CACNA1F: variants seen among roughly 807,000 people sequenced by gnomAD.
CACNA1F encodes the protein calcium voltage-gated channel subunit alpha1 F, also known as voltage-dependent L-type calcium channel subunit alpha-1F.
Under a neutral mutation model 143.8 loss-of-function variants are expected in CACNA1F, and 59 were observed. That is an observed-to-expected ratio of 0.41 (90% CI 0.33 to 0.51). The LOEUF is 0.51. Among genes scored for constraint, CACNA1F ranks in the 20% least tolerant of loss-of-function variants. The pLI is 0.22. For synonymous variants in CACNA1F, 643 were observed against 649.1 expected (o/e 0.99, Z 0.14); for missense variants, 1,411 against 1,647.5 (o/e 0.86, Z 2.48).
chrX:49,224,591 T>A (rs1244698647), intron 14 of CACNA1F, among the ~76,000 whole-genome samples, 170 bp downstream of exon 14: 1 of 111,615 alleles, frequency 9.0e-6, no homozygotes, highest in Admixed American at 9.5e-5. Flanking sequence ...TTGTGTCTGC[T>A]TTGATTCCTG....
chrX:49,218,495 A>G lies in CACNA1F; in HGVS notation c.2888T>C (p.Leu963Pro). The G allele has an allele frequency of 8.4e-7, 1 of 1,183,860 alleles. No homozygotes were observed. The highest frequency in any genetic ancestry group is 1.1e-6 in the Non-Finnish European group (1 of 882,142). The change falls in exon 24 of 48, where the codon CTG becomes CCG. Residue 963 changes from leucine (L) to proline (P), a missense_variant. Leu to Pro is a moderately conservative substitution (Grantham distance 98). Coordinates refer to ENST00000323022, the MANE Select transcript of CACNA1F (RefSeq NM_001256789.3). The stretch of plus-strand genomic sequence containing the variant: ...CCTGTTGATGGCTCGGAGGGGCCGC[A>G]GTACTCGGAGTACTCGCAGAATCTT... ...VVKILRVLRV[L>P]RPLRAINRAK...
At chrX:49,217,024 T>A (rs1282349889) in intron 26 of CACNA1F, among the ~76,000 whole-genome samples, 4 of 111,718 alleles carry the variant, frequency 3.6e-5, no homozygotes, top group Non-Finnish European at 7.5e-5. Context: ...AGTGGCATGA[T>A]CTTGGCTCAC....
intron 11 of CACNA1F, 62 bp from the exon 12 acceptor site, chrX:49,226,305 G>C: frequency 8.9e-7 from 1 of 1,122,170 alleles, no homozygotes; most frequent in Non-Finnish European, 1.2e-6. Flanking sequence ...TCAGTGACTG[G>C]GGCCAGAGGT....
chrX:49,224,119 T>C (rs1194549530), intron 14 of CACNA1F, among the ~76,000 whole-genome samples: 1 of 110,046 alleles, frequency 9.1e-6, no homozygotes, highest in Non-Finnish European at 1.9e-5. Context: ...GGTTGTGATG[T>C]ATTTGGGGTT....
chrX:49,210,633 G>T lies in CACNA1F; in HGVS notation c.4442C>A (p.Pro1481His). 1 of 1,211,314 alleles carries T rather than the reference G, an allele frequency of 8.3e-7. No homozygotes were observed. Among genetic ancestry groups the T allele is most frequent in the Non-Finnish European group, 1.1e-6 (1 of 895,238 alleles). The change falls in exon 38 of 48, where the codon CCT becomes CAT. Residue 1481 changes from proline to histidine, a missense_variant. By Grantham distance (77) the Pro-to-His change is moderately conservative. Coordinates refer to ENST00000323022, the MANE Select transcript of CACNA1F (RefSeq NM_001256789.3). ...VVALLRRIQP[P>H]LGFGKLCPHR... is the part of the protein sequence containing the mutation. ...TGGGCACAGCTTCCCAAATCCCAGA[G>T]GGGGCTGGATACGTCTCAGCAGGGC...
rs944829739 is a variant in CACNA1F at position 49,226,834 on chromosome X, G to A, written c.1277-132C>T. 5.9e-6 allele frequency: 6 copies of A among 1,014,640 alleles called. No individual in the cohort carries two copies. The East Asian group carries it at 1.6e-4, about 27-fold the overall frequency. The allele number at this position is 1,014,640 out of a possible 1,213,427, so 83.6% of individuals were successfully genotyped here. On this transcript the variant is annotated intron_variant, in intron 9 of 47. Coordinates refer to ENST00000323022, the MANE Select transcript of CACNA1F (RefSeq NM_001256789.3). ...GATTCTGCATTTTGAGCCATAACTT[G>A]GGGGCTGGGGCTAGAGTTGTTGCAG...
At chrX:49,219,910 G>A in intron 19 of CACNA1F, 120 bp from the exon 20 acceptor site, 1 of 522,638 alleles carries the variant, frequency 1.9e-6, no homozygotes, top group Non-Finnish European at 3.4e-6. Flanking sequence ...GCTCCTCCAG[G>A]AAGGTATTTT....
chrX:49,219,309 C>A lies in CACNA1F; in HGVS notation c.2673+12G>T. 8.3e-7 allele frequency: 1 copy of A among 1,207,168 alleles called. No individual in the cohort carries two copies. Among genetic ancestry groups the A allele is most frequent in the Non-Finnish European group, 1.1e-6 (1 of 893,625 alleles). On this transcript the variant is annotated intron_variant, in intron 21 of 47. Transcript: ENST00000323022. ...TGTCCCCTCAGCTCCTAGCTCCCAG[C>A]CAAAGGCTCACATGGTTGCGGAAGG...
chrX:49,222,899 C>G, intron 15 of CACNA1F, 30 bp downstream of exon 15: 1 of 1,200,093 alleles, frequency 8.3e-7, no homozygotes. Context: ...GTCTCCCCGA[C>G]CCACCCATCC....
At chrX:49,222,289 G>A in intron 17 of CACNA1F, 1 of 412,939 alleles carries the variant, frequency 2.4e-6, no homozygotes, top group East Asian at 3.8e-5. Context: ...TTCCATGAAG[G>A]CAAGGACTCT....
At chrX:49,225,865 G>A (rs2065817573) in intron 13 of CACNA1F, 44 bp downstream of exon 13, 5 of 1,151,814 alleles carry the variant, frequency 4.3e-6, no homozygotes, top group Non-Finnish European at 5.8e-6. Flanking sequence ...TGGGGTAGAA[G>A]GAATAGGAGG....
At chrX:49,230,143 G>T in intron 6 of CACNA1F, 77 bp downstream of exon 6, 2 of 940,295 alleles carry the variant, frequency 2.1e-6, no homozygotes, top group Non-Finnish European at 2.9e-6. Flanking sequence ...ATTTCAGTGG[G>T]TTTCCCTGAG....
chrX:49,230,798 G>A, intron 4 of CACNA1F, 52 bp downstream of exon 4: 1 of 1,150,731 alleles, frequency 8.7e-7, no homozygotes. Flanking sequence ...GAATTCAGCG[G>A]GCCTGACGGT....
At position 49,212,724 on chromosome X, in the gene CACNA1F, A is replaced by T; in HGVS notation, c.3885T>A (p.Leu1295=). The change falls in exon 33 of 48, where the codon CTT becomes CTA. Residue 1295 remains leucine (L), a synonymous_variant. Transcript: ENST00000323022. ...RLFRVMRLVK[L]LSKGEGIRTL... ...TGCGGATCCCTTCACCCTTACTGAG[A>T]AGCTTGACCAGCCGCATAACTCGGA... The T allele has an allele frequency of 3.3e-6, 4 of 1,208,912 alleles. No homozygotes were observed. Among genetic ancestry groups the T allele is most frequent in the Non-Finnish European group, 4.5e-6 (4 of 893,704 alleles).
At position 49,222,755 on chromosome X, in the gene CACNA1F, C is replaced by T. The variant is rs1425952387; in HGVS notation, c.2169G>A (p.Val723=). ...YGGPFFPGML[V]CIYFIILFIC... is the part of the protein sequence containing the mutation. Reference sequence around the variant, plus strand: ...TGAAGAGAATGATGAAATAGATGCACACCAACATTCCTGGGAAGAAGGGGC... The same window carrying T: ...TGAAGAGAATGATGAAATAGATGCATACCAACATTCCTGGGAAGAAGGGGC... Residue 723 remains valine, a synonymous_variant, in exon 16 of 48, where the codon GTG becomes GTA. Coordinates refer to ENST00000323022, the MANE Select transcript of CACNA1F (RefSeq NM_001256789.3). The T allele has an allele frequency of 5.8e-6, 7 of 1,208,738 alleles. No individual in the cohort carries two copies. Among genetic ancestry groups the T allele is most frequent in the Non-Finnish European group, 7.8e-6 (7 of 894,358 alleles).
chrX:49,219,397 A>G lies in CACNA1F; in HGVS notation c.2597T>C (p.Ile866Thr). 8.3e-7 allele frequency: 1 copy of G among 1,208,661 alleles called. No homozygotes were observed. Among genetic ancestry groups the G allele is most frequent in the South Asian group, 1.8e-5 (1 of 56,410 alleles). Reference sequence around the variant, plus strand: ...ACTGCTGAGGATGATGAACACCAGGATAAGATTGGTGAAGACATGATGGTG... The same window carrying G: ...ACTGCTGAGGATGATGAACACCAGGGTAAGATTGGTGAAGACATGATGGTG... ...LIHHHVFTNL[I>T]LVFIILSSVS... The change falls in exon 21 of 48, where the codon ATC (isoleucine) becomes ACC (threonine). Residue 866 changes from isoleucine to threonine, a missense_variant. Around this residue, in one of 3 missense-constraint regions of CACNA1F, gnomAD observed 950 missense variants for 1,128.1 expected, o/e 0.84. Coordinates refer to ENST00000323022, the MANE Select transcript of CACNA1F (RefSeq NM_001256789.3).
rs782084020 is a variant in CACNA1F at position 49,230,486 on chromosome X, C to T, written c.645G>A (p.Arg215=). The change falls in exon 5 of 48, where the codon AGG becomes AGA. Residue 215 remains arginine, a synonymous_variant. Transcript: ENST00000323022. Reference sequence around the variant, plus strand: ...ACTCACTCGGGACCCCAGACACCAGCCTCAGTGGCCGCAGCACCCGAAACG... The same window carrying T: ...ACTCACTCGGGACCCCAGACACCAGTCTCAGTGGCCGCAGCACCCGAAACG... ...LRAFRVLRPL[R]LVSGVPSLHI... is the part of the protein sequence containing the mutation. 59 of 1,209,356 alleles carry T rather than the reference C, an allele frequency of 4.9e-5. No homozygotes were observed. Among genetic ancestry groups the T allele is most frequent in the Non-Finnish European group, 6.3e-5 (56 of 894,397 alleles).
In CACNA1F at chrX:49,221,051, T is replaced by C; in HGVS notation, c.2318A>G (p.Gln773Arg). Residue 773 changes from glutamine to arginine, a missense_variant, in exon 18 of 48, where the codon CAG becomes CGG. Gln to Arg is a conservative substitution (Grantham distance 43). This residue lies in a region of CACNA1F where 950 missense variants were observed against 1,128.1 expected (regional missense o/e 0.84). Coordinates refer to ENST00000323022, the MANE Select transcript of CACNA1F (RefSeq NM_001256789.3). Reference sequence around the variant, plus strand: ...CTAACTCACCAGGCCTTCATTCTCCTGTGGGAGATCCTTCTCATTGCTCTT... The same window carrying C: ...CTAACTCACCAGGCCTTCATTCTCCCGTGGGAGATCCTTCTCATTGCTCTT... Reference protein sequence around the residue: ...GEKSNEKDLPQENEGLVPGVE... With the variant: ...GEKSNEKDLPRENEGLVPGVE... The C allele has an allele frequency of 8.3e-7, 1 of 1,209,764 alleles. No homozygotes were observed. The highest frequency in any genetic ancestry group is 1.8e-5 in the South Asian group (1 of 56,838).
chrX:49,210,446 G>C lies in CACNA1F; in HGVS notation c.4486-43C>G, dbSNP rs372887590. 2.8e-6 allele frequency: 3 copies of C among 1,079,135 alleles called. No homozygotes were observed. The African/African-American group carries it at 5.5e-5, about 20-fold the overall frequency. 88.9% of individuals were successfully genotyped at this position (1,079,135 alleles called of 1,213,427 possible). ...ATGAAACCCACTCTGGGAAAATGCCGGGTATGCAGGAACGAATGTCAAGGG... is the reference window on the plus strand; with the variant it reads ...ATGAAACCCACTCTGGGAAAATGCCCGGTATGCAGGAACGAATGTCAAGGG... On this transcript the variant is annotated intron_variant, in intron 38 of 47. Transcript: ENST00000323022.
Sources: gnomAD v4.1 joint callset for allele counts (sites outside exome capture counted in the v4.1 genomes callset) on GRCh38, gnomAD v4.1.1 for gene constraint, gnomAD v4.1.1 regional missense constraint, MANE v1.5 for transcripts, NCBI Gene and HGNC (gene_info 2026-07-23, HGNC 2026-07-21) for gene names.